GRK3: variants seen among roughly 807,000 people sequenced by gnomAD.
The protein encoded by GRK3 is adrenergic, beta, receptor kinase 2.
A neutral mutation model predicts 95.7 loss-of-function variants in GRK3; 54 were observed. The observed-to-expected ratio is 0.56, with a 90% CI of 0.45 to 0.71. The LOEUF is 0.71. Ranked by LOEUF, GRK3 falls within the 30% of genes least tolerant of loss-of-function variation. GRK3 has a pLI of 0.00. For missense variants in GRK3, 649 were observed against 851.2 expected, an observed-to-expected ratio of 0.76 and a Z score of 2.96; for synonymous variants, 281 against 290.8, an observed-to-expected ratio of 0.97 and a Z score of 0.34.
intron 2 of GRK3, among the ~76,000 whole-genome samples, chr22:25,615,802 C>A (rs2084533489): frequency 6.9e-6 from 1 of 145,924 alleles, no homozygotes; most frequent in South Asian, 2.3e-4. Flanking sequence ...AGTGCTCGTG[C>A]ACATGGTGGC....
intron 10 of GRK3, 58 bp downstream of exon 10, chr22:25,685,306 T>A: frequency 7.8e-7 from 1 of 1,289,810 alleles, no homozygotes; most frequent in Non-Finnish European, 1.1e-6. Context: ...ATGTTAAATC[T>A]TAGCATGCAT....
At chr22:25,642,533 C>A (rs113334993) in intron 2 of GRK3, among the ~76,000 whole-genome samples, 2 of 152,208 alleles carry the variant, frequency 1.3e-5, no homozygotes, top group African/African-American at 4.8e-5. Context: ...ATTTTGTTAC[C>A]TAGATACATT....
rs558599075 is a variant in GRK3 at position 25,712,700 on chromosome 22, T to G, written c.1491+1537T>G. Among the ~76,000 whole-genome samples, 12 of 152,342 alleles carry G rather than the reference T, an allele frequency of 7.9e-5. No homozygotes were observed. The South Asian group carries it at 2.5e-3, about 32-fold the overall frequency. On this transcript the variant is annotated intron_variant, in intron 17 of 20. Coordinates refer to ENST00000324198, the MANE Select transcript of GRK3 (RefSeq NM_005160.4). The stretch of plus-strand genomic sequence containing the variant: ...GCTTTCTCACCTGTAAAGTGGGTGG[T>G]TTCATTGCCAAGCTTTCTCTGAGGA...
intron 2 of GRK3, among the ~76,000 whole-genome samples, chr22:25,629,801 G>A (rs985929993): frequency 6.6e-6 from 1 of 152,208 alleles, no homozygotes; most frequent in Non-Finnish European, 1.5e-5. Flanking sequence ...TGAAGGATGA[G>A]TTGGAAAGGA....
At chr22:25,656,088 G>A (rs184934461) in intron 3 of GRK3, among the ~76,000 whole-genome samples, 1 of 152,250 alleles carries the variant, frequency 6.6e-6, no homozygotes, top group Non-Finnish European at 1.5e-5. Flanking sequence ...TACCTGTCTT[G>A]TAGGGTGGTT....
chr22:25,576,327 C>T (rs2331119), intron 1 of GRK3, among the ~76,000 whole-genome samples: 5 of 152,286 alleles, frequency 3.3e-5, no homozygotes, highest in Non-Finnish European at 7.3e-5. Context: ...TGTCCAGTAC[C>T]TGAAATCCCT....
intron 2 of GRK3, among the ~76,000 whole-genome samples, chr22:25,635,404 ATATAATAC>A (rs138073035): frequency 0.022 from 3,381 of 152,262 alleles, 58 homozygotes; most frequent in Middle Eastern, 0.068. Context: ...TTGAACACAG[ATATAATAC>A]TATAATACTA....
At chr22:25,618,824 G>T (rs2084559181) in intron 2 of GRK3, among the ~76,000 whole-genome samples, 1 of 151,360 alleles carries the variant, frequency 6.6e-6, no homozygotes, top group African/African-American at 2.4e-5. Flanking sequence ...GTCCCTCCTA[G>T]CGCTGCAGTT....
chr22:25,658,578 C>T (rs2084888973), intron 3 of GRK3, among the ~76,000 whole-genome samples: 1 of 152,172 alleles, frequency 6.6e-6, no homozygotes. Flanking sequence ...TTTCCATTCT[C>T]TGTGTTCCTT....
At chr22:25,640,113 C>A (rs900008252) in intron 2 of GRK3, among the ~76,000 whole-genome samples, 2 of 152,210 alleles carry the variant, frequency 1.3e-5, no homozygotes, top group Middle Eastern at 3.4e-3. Flanking sequence ...AGTTTTAGTT[C>A]TTCCTTTTCA....
chr22:25,700,619 G>A (rs1280378300), intron 13 of GRK3, among the ~76,000 whole-genome samples: 4 of 152,146 alleles, frequency 2.6e-5, no homozygotes, highest in African/African-American at 4.8e-5. Context: ...ACGGCGTCTC[G>A]CTCTATTGCC....
At chr22:25,631,121 A>C (rs2084661042) in intron 2 of GRK3, among the ~76,000 whole-genome samples, 1 of 152,234 alleles carries the variant, frequency 6.6e-6, no homozygotes, top group Admixed American at 6.5e-5. Flanking sequence ...TAGGTTAGTA[A>C]TCCCTAGCCA....
At chr22:25,613,795 G>A (rs5996961) in intron 2 of GRK3, among the ~76,000 whole-genome samples, 413 of 152,284 alleles carry the variant, frequency 2.7e-3, no homozygotes, top group African/African-American at 8.5e-3. Flanking sequence ...ACATGCCCCC[G>A]CAGTGCAGCC....
Position 25,714,512 on chromosome 22 carries a change from C to A in GRK3, c.1596C>A (p.Asp532Glu). 3 of 1,613,382 alleles carry A rather than the reference C, an allele frequency of 1.9e-6. No homozygotes were observed. Among genetic ancestry groups the A allele is most frequent in the Non-Finnish European group, 2.5e-6 (3 of 1,179,730 alleles). Residue 532 changes from aspartate to glutamate, a missense_variant, in exon 18 of 21, where the codon GAC becomes GAA. Asp to Glu is a conservative substitution (Grantham distance 45). Around this residue, in one of 3 missense-constraint regions of GRK3, gnomAD observed 382 missense variants for 493.8 expected, o/e 0.77. Coordinates refer to ENST00000324198, the MANE Select transcript of GRK3 (RefSeq NM_005160.4). ...TETVYEAVNA[D>E]TDKIEARKRA... ...CAGTTTATGAAGCAGTAAATGCAGA[C>A]ACAGATAAAATCGAGGCCAGGAAGA...
At position 25,712,787 on chromosome 22, in the gene GRK3, T is replaced by C. The variant is rs530053303; in HGVS notation, c.1492-1621T>C. On this transcript the variant is annotated intron_variant, in intron 17 of 20. Coordinates refer to ENST00000324198, the MANE Select transcript of GRK3 (RefSeq NM_005160.4). ...GTCAATGCTTGACAAACTAGTAGCT[T>C]CTATTATTATGTTTTGGTTCTTCCT... Among the ~76,000 whole-genome samples the C allele has an allele frequency of 1.4e-3, 207 of 152,274 alleles. 1 individual carries two copies. Among genetic ancestry groups the C allele is most frequent in the Non-Finnish European group, 2.0e-3 (133 of 68,024 alleles).
chr22:25,657,999 T>A (rs2084884425), intron 3 of GRK3, among the ~76,000 whole-genome samples: 2 of 152,170 alleles, frequency 1.3e-5, no homozygotes, highest in Admixed American at 6.5e-5. Flanking sequence ...AGATACTCTA[T>A]TTTTTACTTC....
rs2146464572 is a variant in GRK3, at chr22:25,711,241, GT to G, written c.1491+82del. ...CTGTTGGAAATCAAACTTAGTGGTT[GT>G]TTTAATATTGGGCTGTTTATAGTAT... is the stretch of plus-strand genomic sequence containing the variant. On this transcript the variant is annotated intron_variant, in intron 17 of 20. Coordinates refer to ENST00000324198, the MANE Select transcript of GRK3 (RefSeq NM_005160.4). 6.4e-6 allele frequency: 6 copies of G among 940,682 alleles called. No individual in the cohort carries two copies. In the South Asian group the frequency reaches 8.5e-5, roughly 13 times the overall value. 58.3% of individuals were successfully genotyped at this position (940,682 alleles called of 1,614,324 possible).
intron 11 of GRK3, 22 bp from the exon 12 acceptor site, chr22:25,690,167 A>C: frequency 6.3e-7 from 1 of 1,594,830 alleles, no homozygotes; most frequent in Non-Finnish European, 8.6e-7. Context: ...CTCTTATTAA[A>C]GATTATTCTC....
chr22:25,689,622 T>C (rs1372230979), intron 11 of GRK3, among the ~76,000 whole-genome samples: 1 of 152,220 alleles, frequency 6.6e-6, no homozygotes, highest in Non-Finnish European at 1.5e-5. Context: ...GTCAAAATTA[T>C]ATTTGGTCAT....
Sources: gnomAD v4.1 joint callset for allele counts (sites outside exome capture counted in the v4.1 genomes callset) on GRCh38, gnomAD v4.1.1 for gene constraint, gnomAD v4.1.1 regional missense constraint, MANE v1.5 for transcripts, NCBI Gene and HGNC (gene_info 2026-07-23, HGNC 2026-07-21) for gene names.